ABHD18: variants seen among roughly 807,000 people sequenced by gnomAD.
ABHD18 encodes the protein cardiolipin-specific deacylase, mitochondrial.
Under a neutral mutation model 65.9 loss-of-function variants are expected in ABHD18, and 55 were observed. The observed-to-expected ratio is 0.84, with a 90% CI of 0.67 to 1.05. ABHD18 has a LOEUF of 1.05. Among genes scored for constraint, ABHD18 ranks in the 50% least tolerant of loss-of-function variants. ABHD18 has a pLI of 0.00. For missense variants in ABHD18, 533 were observed against 558.5 expected, an observed-to-expected ratio of 0.95 and a Z score of 0.46; for synonymous variants, 181 against 180.2, an observed-to-expected ratio of 1.00 and a Z score of -0.04.
intron 12 of ABHD18, among the ~76,000 whole-genome samples, chr4:128,033,826 G>A (rs1482497850): frequency 1.3e-5 from 2 of 151,822 alleles, no homozygotes; most frequent in South Asian, 2.1e-4. Context: ...GTGAGCCACC[G>A]CACCCGGCTA....
rs747637430 is a variant in ABHD18 at position 128,011,984 on chromosome 4, C to CT, written c.470+297dup. Among the ~76,000 whole-genome samples, 1,097 of 144,346 alleles carry CT rather than the reference C, an allele frequency of 7.6e-3. 8 individuals carry two copies. The highest frequency in any genetic ancestry group is 0.021 in the African/African-American group (836 of 39,370). The allele number at this position is 144,346 out of a possible 152,430, so 94.7% of individuals were successfully genotyped here. A position where few individuals can be genotyped will look rare whatever the true frequency, so the allele number is the denominator to read the frequency against. On this transcript the variant is annotated intron_variant, in intron 7 of 12. Transcript: ENST00000645843. ...AAATGAAGAAATGATAAAACCCTTT[C>CT]TTTTTTTTTTTTTGAGACGCAGTCA...
Position 127,977,855 on chromosome 4 carries a change from AAAT to A in ABHD18, c.-17-5080_-17-5078del, listed in dbSNP as rs370787197. 6.3e-4 allele frequency among the ~76,000 whole-genome samples: 96 copies of A among 152,310 alleles called. No homozygotes were observed. In the South Asian group the frequency reaches 0.011, roughly 18 times the overall value. ...TCTTATGGTAGTTATCACAAATACT[AAAT>A]AATTTATTAGTAGCAGAATTTGTGT... On this transcript the variant is annotated intron_variant, in intron 1 of 12. Coordinates refer to ENST00000645843, the MANE Select transcript of ABHD18 (RefSeq NM_001358451.3).
At chr4:128,018,883 A>G (rs191869451) in intron 8 of ABHD18, among the ~76,000 whole-genome samples, 96 of 151,832 alleles carry the variant, frequency 6.3e-4, no homozygotes, top group African/African-American at 1.8e-3. Context: ...GTGTGGTGGC[A>G]CGTGCCTGTA....
At chr4:128,002,307 C>T (rs868577378) in intron 4 of ABHD18, among the ~76,000 whole-genome samples, 10 of 150,240 alleles carry the variant, frequency 6.7e-5, no homozygotes, top group African/African-American at 2.2e-4. Context: ...GATGGAGTCT[C>T]GCTCTGTCAC....
chr4:128,037,774 T>C lies in ABHD18; in HGVS notation c.*1961T>C, dbSNP rs747810149. 2.6e-5 allele frequency: 4 copies of C among 151,740 alleles called. No individual in the cohort carries two copies. The highest frequency in any genetic ancestry group is 6.6e-5 in the Admixed American group (1 of 15,074). The allele number at this position is 151,740 out of a possible 1,614,324, so 9.4% of individuals were successfully genotyped here. A position where few individuals can be genotyped will look rare whatever the true frequency, so the allele number is the denominator to read the frequency against. ...TTAATAGACACATATGCAATTGATTTGTCCCATATAAACTTTATTTTACAG... is the reference window on the plus strand; with the variant it reads ...TTAATAGACACATATGCAATTGATTCGTCCCATATAAACTTTATTTTACAG... On this transcript the variant is annotated 3_prime_UTR_variant, in exon 13 of 13. Coordinates refer to ENST00000645843, the MANE Select transcript of ABHD18 (RefSeq NM_001358451.3).
At chr4:127,974,698 C>G (rs1013407096) in intron 1 of ABHD18, among the ~76,000 whole-genome samples, 9 of 151,586 alleles carry the variant, frequency 5.9e-5, no homozygotes, top group Non-Finnish European at 1.3e-4. Flanking sequence ...AAATAGTGAA[C>G]TACTTCTGGC....
At position 128,037,117 on chromosome 4, in the gene ABHD18, TC is replaced by T. The variant is rs1259659703; in HGVS notation, c.*1305del. On this transcript the variant is annotated 3_prime_UTR_variant, in exon 13 of 13. Coordinates refer to ENST00000645843, the MANE Select transcript of ABHD18 (RefSeq NM_001358451.3). ...CTGGGCAACAGAGCAAAACTCCATC[TC>T]AAAAAAAAAAAAAAAAAAAAAAAAA... is the stretch of plus-strand genomic sequence containing the variant. The T allele has an allele frequency of 2.5e-5, 1 of 39,360 alleles. No homozygotes were observed. Among genetic ancestry groups the T allele is most frequent in the African/African-American group, 1.1e-4 (1 of 8,982 alleles). The allele number at this position is 39,360 out of a possible 1,614,324, so 2.4% of individuals were successfully genotyped here.
chr4:128,011,427 C>T (rs1040561192), intron 6 of ABHD18, among the ~76,000 whole-genome samples: 3 of 150,512 alleles, frequency 2.0e-5, no homozygotes, highest in South Asian at 2.1e-4. Flanking sequence ...GGATTACAGG[C>T]GTGAGCCACC....
At chr4:128,004,185 C>T (rs1026002638) in intron 4 of ABHD18, among the ~76,000 whole-genome samples, 1 of 151,994 alleles carries the variant, frequency 6.6e-6, no homozygotes. Context: ...GGCACAGTGG[C>T]TCATGCCTGT....
intron 10 of ABHD18, among the ~76,000 whole-genome samples, chr4:128,021,875 T>C (rs191972248): frequency 1.1e-4 from 16 of 152,346 alleles, no homozygotes; most frequent in Admixed American, 9.2e-4. Flanking sequence ...CTTATGTTTA[T>C]AGTAATTACT....
Position 128,030,622 on chromosome 4 carries a change from CT to C in ABHD18, c.1295del (p.Leu432Ter). On this transcript the variant is annotated frameshift_variant, in exon 12 of 13. Transcript: ENST00000645843. LOFTEE classifies it high-confidence loss of function. The stretch of plus-strand genomic sequence containing the variant: ...TTTGGCCTGGTTGTGAAATCCGATA[CT>C]TAGAAGGGGGTCATATTAGTGCTTA... ...EIWPGCEIRY[L>X]EGGHISAYLF... The C allele has an allele frequency of 1.2e-6, 2 of 1,606,842 alleles. No homozygotes were observed. The highest frequency in any genetic ancestry group is 2.2e-5 in the East Asian group (1 of 44,556).
intron 4 of ABHD18, chr4:128,001,892 AG>A: frequency 9.4e-7 from 1 of 1,060,240 alleles, no homozygotes; most frequent in Non-Finnish European, 1.3e-6. Context: ...AGACCCTTTC[AG>A]TTTGAAAAAA....
At chr4:127,989,306 G>T (rs1036567306) in intron 3 of ABHD18, among the ~76,000 whole-genome samples, 1 of 152,040 alleles carries the variant, frequency 6.6e-6, no homozygotes, top group Non-Finnish European at 1.5e-5. Flanking sequence ...AAGTGGAGAT[G>T]ATTAATTGGT....
At position 128,003,973 on chromosome 4, in the gene ABHD18, CCAAA is replaced by C. The variant is rs1173031531; in HGVS notation, c.279-4938_279-4935del. On this transcript the variant is annotated intron_variant, in intron 4 of 12. Transcript: ENST00000645843. ...TAAAAAAAAAAAAAACAAAAAAAAA[CCAAA>C]CAAACAAAAAACCATTTCAATTGTA... Among the ~76,000 whole-genome samples, 103 of 141,040 alleles carry C rather than the reference CCAAA, an allele frequency of 7.3e-4. 1 individual carries two copies. In the East Asian group the frequency reaches 0.02, roughly 27 times the overall value. The allele number at this position is 141,040 out of a possible 152,430, so 92.5% of individuals were successfully genotyped here. A position where few individuals can be genotyped will look rare whatever the true frequency, so the allele number is the denominator to read the frequency against.
In ABHD18 at chr4:128,038,138, A is replaced by G. The variant is rs1759043676; in HGVS notation, c.*2325A>G. The G allele has an allele frequency of 6.6e-6, 1 of 152,184 alleles. No homozygotes were observed. 9.4% of individuals were successfully genotyped at this position (152,184 alleles called of 1,614,324 possible). A position where few individuals can be genotyped will look rare whatever the true frequency, so the allele number is the denominator to read the frequency against. On this transcript the variant is annotated 3_prime_UTR_variant, in exon 13 of 13. Transcript: ENST00000645843. ...TTTTTACAAATATTTAAAAATTATT[A>G]ATGTGAAGTTATTGATGGTAGACAA...
In ABHD18 at chr4:128,037,371, C is replaced by A. The variant is rs1758976494; in HGVS notation, c.*1558C>A. The stretch of plus-strand genomic sequence containing the variant: ...TCACAAAAATGGAAACATTGGAAGA[C>A]CTGTTGCATTAACTGACGGAGTGCA... On this transcript the variant is annotated 3_prime_UTR_variant, in exon 13 of 13. Coordinates refer to ENST00000645843, the MANE Select transcript of ABHD18 (RefSeq NM_001358451.3). The A allele has an allele frequency of 6.6e-6, 1 of 152,100 alleles. No homozygotes were observed. The highest frequency in any genetic ancestry group is 2.4e-5 in the African/African-American group (1 of 41,406). The allele number at this position is 152,100 out of a possible 1,614,324, so 9.4% of individuals were successfully genotyped here.
intron 4 of ABHD18, among the ~76,000 whole-genome samples, chr4:128,006,356 T>C (rs1473499934): frequency 2.0e-5 from 3 of 152,136 alleles, no homozygotes; most frequent in African/African-American, 7.2e-5. Flanking sequence ...ATCAGGAAAC[T>C]CGACAATGCT....
chr4:128,011,538 A>G (rs1318960976), intron 6 of ABHD18, 135 bp from the exon 7 acceptor site: 3 of 491,240 alleles, frequency 6.1e-6, no homozygotes, highest in Non-Finnish European at 1.0e-5. Flanking sequence ...AAGAACTTCT[A>G]AACAGCCTAC....
At chr4:128,006,902 T>C (rs1753689324) in intron 4 of ABHD18, among the ~76,000 whole-genome samples, 1 of 152,124 alleles carries the variant, frequency 6.6e-6, no homozygotes. Flanking sequence ...CGGGGCAACA[T>C]AAGGAGACTG....
Sources: allele counts gnomAD v4.1 joint callset (sites outside exome capture counted in the v4.1 genomes callset), GRCh38; gene constraint gnomAD v4.1.1; transcripts MANE v1.5; gene names NCBI Gene and HGNC (gene_info 2026-07-23, HGNC 2026-07-21).